The following INO80 variants were observed in gnomAD, a reference collection of about 807,000 sequenced individuals.
The protein encoded by INO80 is INO80 complex ATPase subunit, also known as chromatin-remodeling ATPase INO80.
Under a neutral mutation model 203.4 loss-of-function variants are expected in INO80, and 20 were observed. That is an observed-to-expected ratio of 0.10 (90% CI 0.07 to 0.14). INO80 has a LOEUF of 0.14. Among genes scored for constraint, INO80 ranks in the 10% least tolerant of loss-of-function variants. INO80 has a pLI of 1.00. For missense variants in INO80, 1,419 were observed against 1,914.4 expected, an observed-to-expected ratio of 0.74 and a Z score of 4.83; for synonymous variants, 726 against 685.2, an observed-to-expected ratio of 1.06 and a Z score of -0.93.
At chr15:41,000,668 G>A (rs374764947) in intron 28 of INO80, among the ~76,000 whole-genome samples, 1 of 132,100 alleles carries the variant, frequency 7.6e-6, no homozygotes, top group Non-Finnish European at 1.5e-5. Flanking sequence ...GTGTTCTACT[G>A]CACTCCAGAG....
At chr15:41,087,731 T>C (rs1271548431) in intron 5 of INO80, 49 bp from the exon 6 acceptor site, 3 of 1,560,464 alleles carry the variant, frequency 1.9e-6, no homozygotes, top group African/African-American at 2.7e-5. Flanking sequence ...AGTACAGCTT[T>C]CAAATTACCT....
Position 41,048,367 on chromosome 15 carries a change from T to A in INO80, c.2577-91A>T, listed in dbSNP as rs2044804917. On this transcript the variant is annotated intron_variant, in intron 21 of 35. Coordinates refer to ENST00000648947, the MANE Select transcript of INO80 (RefSeq NM_017553.3). ...GAGGTTCCATAGCAAGTAAAACCTT[T>A]TAGTTTTGAAACTGTTTCACTTTTA... 7.2e-6 allele frequency: 7 copies of A among 970,226 alleles called. No individual in the cohort carries two copies. The Admixed American group carries it at 1.0e-4, about 14-fold the overall frequency. 60.1% of individuals were successfully genotyped at this position (970,226 alleles called of 1,614,324 possible). A position where few individuals can be genotyped will look rare whatever the true frequency, so the allele number is the denominator to read the frequency against.
At position 41,055,350 on chromosome 15, in the gene INO80, C is replaced by T; in HGVS notation, c.2085G>A (p.Leu695=). 3 of 1,608,630 alleles carry T rather than the reference C, an allele frequency of 1.9e-6. No homozygotes were observed. The highest frequency in any genetic ancestry group is 2.5e-6 in the Non-Finnish European group (3 of 1,176,516). The part of the protein sequence containing the change: ...QNTMAELWAL[L]HFIMPTLFDS... ...CAAATAATGTTGGCATAATGAAATG[C>T]AGCAGAGCCCAAAGCTGTAAACAAA... The change falls in exon 18 of 36, where the codon CTG becomes CTA. Residue 695 remains leucine, a synonymous_variant. Coordinates refer to ENST00000648947, the MANE Select transcript of INO80 (RefSeq NM_017553.3).
At chr15:41,034,136 G>C (rs952391372) in intron 24 of INO80, among the ~76,000 whole-genome samples, 1 of 152,156 alleles carries the variant, frequency 6.6e-6, no homozygotes, top group Non-Finnish European at 1.5e-5. Context: ...CCTTAGCCTA[G>C]TTCTTAGCTT....
At chr15:41,114,362 G>A (rs1290018309) in intron 1 of INO80, among the ~76,000 whole-genome samples, 2 of 151,988 alleles carry the variant, frequency 1.3e-5, no homozygotes, top group Non-Finnish European at 2.9e-5. Flanking sequence ...AGGAGGAGGA[G>A]CTTGGAAATT....
intron 24 of INO80, among the ~76,000 whole-genome samples, chr15:41,042,510 G>C (rs1408247942): frequency 6.6e-6 from 1 of 152,108 alleles, no homozygotes; most frequent in African/African-American, 2.4e-5. Context: ...GTCTCGCTCT[G>C]TCACCCAGGC....
chr15:41,064,571 GAC>G (rs1460613450), intron 14 of INO80, among the ~76,000 whole-genome samples: 3 of 152,228 alleles, frequency 2.0e-5, no homozygotes, highest in Non-Finnish European at 2.9e-5. Context: ...TGAAGTGAAA[GAC>G]AATGTATATA....
rs560794273 is a variant in INO80 at position 41,021,063 on chromosome 15, A to T, written c.3111T>A (p.Val1037=). Residue 1037 remains valine (V), a synonymous_variant, in exon 26 of 36, where the codon GTT becomes GTA. Coordinates refer to ENST00000648947, the MANE Select transcript of INO80 (RefSeq NM_017553.3). ...NDRSAEYERR[V]LKEGGSLAAK... is the part of the protein sequence containing the mutation. The stretch of plus-strand genomic sequence containing the variant: ...CTGCCAGACTCCCTCCTTCCTTCAG[A>T]ACTCGCCTTTCATATTCTGCACTTC... 5.0e-6 allele frequency: 8 copies of T among 1,614,188 alleles called. No individual in the cohort carries two copies. In the South Asian group the frequency reaches 8.8e-5, roughly 18 times the overall value.
At chr15:41,057,634 T>TA (rs2045012846) in intron 16 of INO80, among the ~76,000 whole-genome samples, 1 of 150,838 alleles carries the variant, frequency 6.6e-6, no homozygotes, top group African/African-American at 2.4e-5. Context: ...CCATCTCTAC[T>TA]AAAAATACAA....
At chr15:41,057,796 T>TC (rs2045016784) in intron 16 of INO80, among the ~76,000 whole-genome samples, 1 of 18,270 alleles carries the variant, frequency 5.5e-5, no homozygotes, top group African/African-American at 3.7e-4. Flanking sequence ...AAACTACATC[T>TC]CAAAAAAAAA....
At chr15:41,076,435 T>C (rs558521146) in intron 9 of INO80, among the ~76,000 whole-genome samples, 6 of 151,010 alleles carry the variant, frequency 4.0e-5, no homozygotes, top group African/African-American at 7.3e-5. Context: ...AAAACGAATA[T>C]AGACTGAATA....
chr15:41,045,015 C>G lies in INO80; in HGVS notation c.2796G>C (p.Trp932Cys), dbSNP rs981082127. ...ASYRLHQLRS[W>C]GAPEGESHQR... ...GGTGGCTCTCCCCTTCTGGCGCTCC[C>G]CAGGAGCGTAGCTGATGGAGCCTGT... The change falls in exon 24 of 36, where the codon TGG becomes TGC. Residue 932 changes from tryptophan (W) to cysteine (C), a missense_variant. By Grantham distance (215) the Trp-to-Cys change is radical. Coordinates refer to ENST00000648947, the MANE Select transcript of INO80 (RefSeq NM_017553.3). 11 of 1,613,668 alleles carry G rather than the reference C, an allele frequency of 6.8e-6. No individual in the cohort carries two copies. Among genetic ancestry groups the G allele is most frequent in the Non-Finnish European group, 9.3e-6 (11 of 1,179,866 alleles).
rs555140657 is a variant in INO80 at position 41,112,403 on chromosome 15, T to C, written c.-44+3570A>G. 2.6e-5 allele frequency among the ~76,000 whole-genome samples: 4 copies of C among 152,084 alleles called. No homozygotes were observed. In the South Asian group the frequency reaches 8.3e-4, roughly 32 times the overall value. On this transcript the variant is annotated intron_variant, in intron 1 of 35. Transcript: ENST00000648947. ...TACCATACTCACTGACTCACAAGAG[T>C]TGTCTGATATTAGTGCCTATGCCCT...
rs537411826 is a variant in INO80, at chr15:40,988,309, C to T, written c.3571-335G>A. On this transcript the variant is annotated intron_variant, in intron 29 of 35. Transcript: ENST00000648947. ...CTAAGTGCATTAACTCATTTAAATC[C>T]CAGAATTATCACTGTTATTTGTGCT... is the stretch of plus-strand genomic sequence containing the variant. 2.6e-5 allele frequency among the ~76,000 whole-genome samples: 4 copies of T among 152,142 alleles called. No homozygotes were observed. In the South Asian group the frequency reaches 8.3e-4, roughly 32 times the overall value.
chr15:40,980,117 C>G lies in INO80; in HGVS notation c.*106G>C. 1 of 906,822 alleles carries G rather than the reference C, an allele frequency of 1.1e-6. No individual in the cohort carries two copies. The highest frequency in any genetic ancestry group is 1.8e-6 in the Non-Finnish European group (1 of 558,924). 56.2% of individuals were successfully genotyped at this position (906,822 alleles called of 1,614,324 possible). ...CTTCCCCTGCTGGACATTTCCACTT[C>G]TGACTCAGGATGCAAGATGCTGCAC... On this transcript the variant is annotated 3_prime_UTR_variant, in exon 36 of 36. Coordinates refer to ENST00000648947, the MANE Select transcript of INO80 (RefSeq NM_017553.3).
intron 1 of INO80, among the ~76,000 whole-genome samples, chr15:41,103,227 T>C (rs1436898560): frequency 3.9e-5 from 6 of 152,240 alleles, no homozygotes; most frequent in Non-Finnish European, 8.8e-5. Context: ...TTGGGAATAA[T>C]GTCTGGAATA....
In INO80 at chr15:40,984,306, A is replaced by G; in HGVS notation, c.3968T>C (p.Val1323Ala). The G allele has an allele frequency of 6.2e-7, 1 of 1,614,164 alleles. No individual in the cohort carries two copies. Among genetic ancestry groups the G allele is most frequent in the South Asian group, 1.1e-5 (1 of 91,084 alleles). The change falls in exon 33 of 36, where the codon GTG becomes GCG. Residue 1323 changes from valine (V) to alanine (A), a missense_variant. Val to Ala is a moderately conservative substitution (Grantham distance 64, BLOSUM62 0). This residue lies in a region of INO80 where 214 missense variants were observed against 248.9 expected (regional missense o/e 0.86). Coordinates refer to ENST00000648947, the MANE Select transcript of INO80 (RefSeq NM_017553.3). Reference sequence around the variant, plus strand: ...GGGAACAAATGGGATCACCAGGTTCACACCCTCTTTTCTCCTTTTCCCATC... The same window carrying G: ...GGGAACAAATGGGATCACCAGGTTCGCACCCTCTTTTCTCCTTTTCCCATC... ...ELDGKRRKEGVNLVIPFVPSA... is the reference protein window; with the variant it reads ...ELDGKRRKEGANLVIPFVPSA...
chr15:41,077,573 TTCTGAAGAGATGGTATCTTA>T (rs1304217352), intron 9 of INO80, among the ~76,000 whole-genome samples: 1 of 152,188 alleles, frequency 6.6e-6, no homozygotes, highest in African/African-American at 2.4e-5. Context: ...CTTTGTTTTT[TTCTGAAGAGATGGTATCTTA>T]CTCTGTCACC....
At chr15:41,049,257 A>T in intron 21 of INO80, 30 bp downstream of exon 21, 8 of 1,583,140 alleles carry the variant, frequency 5.1e-6, no homozygotes, top group Non-Finnish European at 6.9e-6. Flanking sequence ...ATAAAACACT[A>T]ATAGTGAACA....
Sources: gnomAD v4.1 joint callset for allele counts (sites outside exome capture counted in the v4.1 genomes callset) on GRCh38, gnomAD v4.1.1 for gene constraint, gnomAD v4.1.1 regional missense constraint, MANE v1.5 for transcripts, NCBI Gene and HGNC (gene_info 2026-07-23, HGNC 2026-07-21) for gene names.